SCN3A: variants seen among roughly 807,000 people sequenced by gnomAD.
SCN3A encodes sodium voltage-gated channel alpha subunit 3, also known as sodium channel protein type 3 subunit alpha.
SCN3A carries 60 observed loss-of-function variants against 187.6 expected under a neutral mutation model. That is an observed-to-expected ratio of 0.32 (90% CI 0.26 to 0.40). The LOEUF is 0.40. Ranked by LOEUF, SCN3A falls within the 10% of genes least tolerant of loss-of-function variation. The pLI, the probability that SCN3A is intolerant of heterozygous loss-of-function variation, is 1.00. For missense variants in SCN3A, 1,601 were observed against 2,428.2 expected, an observed-to-expected ratio of 0.66 and a Z score of 7.16; for synonymous variants, 788 against 829.2, an observed-to-expected ratio of 0.95 and a Z score of 0.85.
rs769710212 is a variant in SCN3A, at chr2:165,113,046, T to C, written c.3682A>G (p.Ile1228Val). The change falls in exon 21 of 28, where the codon ATA becomes GTA. Residue 1228 changes from isoleucine to valine, a missense_variant. By Grantham distance (29) the Ile-to-Val change is conservative (BLOSUM62 3). Around this residue, in one of 11 missense-constraint regions of SCN3A, gnomAD observed 267 missense variants for 313.2 expected, o/e 0.85. Transcript: ENST00000283254. The part of the protein sequence containing the change: ...LSSGALAFED[I>V]YIEQRKTIKT... ...ATAGTCTTTCGCTGTTCAATGTATA[T>C]ATCTTCAAAGGCCTATGAATCAAAA... 1.4e-4 allele frequency: 227 copies of C among 1,611,732 alleles called. No individual in the cohort carries two copies. The highest frequency in any genetic ancestry group is 1.9e-4 in the Non-Finnish European group (223 of 1,178,792).
chr2:165,136,205 T>C (rs535791416), intron 15 of SCN3A, among the ~76,000 whole-genome samples: 29 of 152,266 alleles, frequency 1.9e-4, no homozygotes, highest in Admixed American at 5.9e-4. Flanking sequence ...CAGCCTCTCT[T>C]ATCCTGTGTT....
chr2:165,203,097 C>T (rs1188061349), intron 1 of SCN3A, among the ~76,000 whole-genome samples: 1 of 151,354 alleles, frequency 6.6e-6, no homozygotes, highest in Non-Finnish European at 1.5e-5. Context: ...TAAATATATA[C>T]AGAAAAACAG....
chr2:165,163,418 T>C (rs1689533024), intron 7 of SCN3A, among the ~76,000 whole-genome samples, 200 bp downstream of exon 7: 1 of 152,194 alleles, frequency 6.6e-6, no homozygotes, highest in Non-Finnish European at 1.5e-5. Context: ...TGCAATTTTC[T>C]GTTAAACTCA....
chr2:165,112,591 C>T (rs1686175476), intron 21 of SCN3A, among the ~76,000 whole-genome samples: 1 of 152,120 alleles, frequency 6.6e-6, no homozygotes, highest in Non-Finnish European at 1.5e-5. Context: ...TGTCAATTAA[C>T]ATATTACTTA....
At chr2:165,133,941 TTG>T (rs991439475) in intron 15 of SCN3A, among the ~76,000 whole-genome samples, 4 of 152,180 alleles carry the variant, frequency 2.6e-5, no homozygotes, top group Non-Finnish European at 4.4e-5. Flanking sequence ...GTTTTTGATT[TTG>T]TGTTTTTTAA....
chr2:165,103,574 A>G (rs753439255), intron 21 of SCN3A, among the ~76,000 whole-genome samples: 9 of 152,194 alleles, frequency 5.9e-5, no homozygotes, highest in Non-Finnish European at 8.8e-5. Context: ...ATAAATGGAA[A>G]TGTCTGTGAT....
chr2:165,181,229 A>G (rs1447645577), intron 2 of SCN3A, among the ~76,000 whole-genome samples: 3 of 152,118 alleles, frequency 2.0e-5, no homozygotes, highest in Non-Finnish European at 4.4e-5. Context: ...GTGTGGCTGG[A>G]AAAGGGAGTG....
intron 15 of SCN3A, 133 bp downstream of exon 15, chr2:165,137,746 T>A (rs571149666): frequency 4.0e-6 from 3 of 750,234 alleles, no homozygotes; most frequent in Non-Finnish European, 7.2e-6. Context: ...CCCTGTAATA[T>A]TCCTTAGATA....
At chr2:165,098,632 G>A (rs1685467778) in intron 22 of SCN3A, among the ~76,000 whole-genome samples, 1 of 152,110 alleles carries the variant, frequency 6.6e-6, no homozygotes, top group African/African-American at 2.4e-5. Context: ...CATGGCTTCA[G>A]GCTGTTAGTA....
At chr2:165,172,844 T>G (rs1690192516) in intron 3 of SCN3A, among the ~76,000 whole-genome samples, 1 of 152,142 alleles carries the variant, frequency 6.6e-6, no homozygotes, top group African/African-American at 2.4e-5. Flanking sequence ...AATCCCAGTT[T>G]ATGTCTCAGG....
Position 165,097,527 on chromosome 2 carries a change from A to G in SCN3A, c.3967-3T>C, listed in dbSNP as rs763432512. ...CCAACAAGAGCATTCACAACCACCTAGAAGAGACAGCGAGGGGAACATAGC... is the reference window on the plus strand; with the variant it reads ...CCAACAAGAGCATTCACAACCACCTGGAAGAGACAGCGAGGGGAACATAGC... On this transcript the variant is annotated splice_polypyrimidine_tract_variant and splice_region_variant and intron_variant, in intron 22 of 27. Transcript: ENST00000283254. 1.2e-6 allele frequency: 2 copies of G among 1,613,642 alleles called. No individual in the cohort carries two copies. Among genetic ancestry groups the G allele is most frequent in the Non-Finnish European group, 1.7e-6 (2 of 1,179,966 alleles).
chr2:165,122,274 A>G (rs1181358847), intron 18 of SCN3A, among the ~76,000 whole-genome samples: 1 of 147,062 alleles, frequency 6.8e-6, no homozygotes, highest in Admixed American at 6.9e-5. Flanking sequence ...TTCCCCCAAA[A>G]CATGAAAGCA....
intron 18 of SCN3A, among the ~76,000 whole-genome samples, chr2:165,124,431 A>G (rs893344063): frequency 3.3e-5 from 5 of 152,230 alleles, no homozygotes; most frequent in African/African-American, 4.8e-5. Context: ...AAGTTTTTCT[A>G]TCTTTTAGCT....
chr2:165,096,970 CA>C (rs1295610431), intron 23 of SCN3A, among the ~76,000 whole-genome samples: 7 of 151,796 alleles, frequency 4.6e-5, no homozygotes, highest in Admixed American at 3.3e-4. Flanking sequence ...ATAATTGATA[CA>C]GAAAACTAAA....
At chr2:165,146,376 A>G (rs897823385) in intron 12 of SCN3A, among the ~76,000 whole-genome samples, 1 of 120,800 alleles carries the variant, frequency 8.3e-6, no homozygotes, top group Admixed American at 8.3e-5. Flanking sequence ...GGTTATATAT[A>G]TATATATGTG....
intron 1 of SCN3A, among the ~76,000 whole-genome samples, chr2:165,188,186 G>C (rs1416743061): frequency 6.6e-6 from 1 of 151,876 alleles, no homozygotes; most frequent in Non-Finnish European, 1.5e-5. Context: ...TTTCTGATTT[G>C]CTTGAGTTAT....
intron 24 of SCN3A, 72 bp from the exon 25 acceptor site, chr2:165,095,720 G>T: frequency 2.2e-6 from 2 of 905,532 alleles, no homozygotes; most frequent in South Asian, 3.2e-5. Context: ...GTAATTTATT[G>T]AGTGCTGTTA....
At chr2:165,096,424 T>C (rs1217610618) in intron 24 of SCN3A, 43 bp downstream of exon 24, 4 of 1,492,940 alleles carry the variant, frequency 2.7e-6, no homozygotes, top group South Asian at 2.3e-5. Flanking sequence ...ATATTCACCA[T>C]AAGAAATCTA....
chr2:165,100,393 A>G lies in SCN3A; in HGVS notation c.3875T>C (p.Leu1292Pro), dbSNP rs1169823608. Residue 1292 changes from leucine to proline, a missense_variant, in exon 22 of 28, where the codon CTT (leucine) becomes CCT (proline). Physicochemically the swap from Leu to Pro is moderately conservative, Grantham distance 98. Around this residue, in one of 11 missense-constraint regions of SCN3A, gnomAD observed 320 missense variants for 623.2 expected, o/e 0.51. Coordinates refer to ENST00000283254, the MANE Select transcript of SCN3A (RefSeq NM_006922.4). The part of the protein sequence containing the change: ...VSLVSLVANA[L>P]GYSELGAIKS... Reference sequence around the variant, plus strand: ...GATGGCACCGAGTTCTGAGTAGCCAAGAGCATTGGCTACCAGGCTAACCAA... The same window carrying G: ...GATGGCACCGAGTTCTGAGTAGCCAGGAGCATTGGCTACCAGGCTAACCAA... The G allele has an allele frequency of 6.2e-7, 1 of 1,614,018 alleles. No individual in the cohort carries two copies.
Sources: gnomAD v4.1 joint callset for allele counts (sites outside exome capture counted in the v4.1 genomes callset) on GRCh38, gnomAD v4.1.1 for gene constraint, gnomAD v4.1.1 regional missense constraint, MANE v1.5 for transcripts, NCBI Gene and HGNC (gene_info 2026-07-23, HGNC 2026-07-21) for gene names.